The following CDK7 variants were observed in gnomAD, a reference collection of about 807,000 sequenced individuals.
The protein encoded by CDK7 is cyclin-dependent kinase 7.
In CDK7, 25 loss-of-function variants were observed where a neutral mutation model predicts 49.1. That is an observed-to-expected ratio of 0.51 (90% CI 0.37 to 0.71). The LOEUF is 0.71. Among genes scored for constraint, CDK7 ranks in the 30% least tolerant of loss-of-function variants. The probability of loss-of-function intolerance (pLI) is 0.00; values close to 1 mark genes in which losing one functional copy is unlikely to be tolerated. For synonymous variants in CDK7, 107 were observed against 140.0 expected, an observed-to-expected ratio of 0.76 and a Z score of 1.67; for missense variants, 316 against 411.7, an observed-to-expected ratio of 0.77 and a Z score of 2.01.
intron 10 of CDK7, among the ~76,000 whole-genome samples, chr5:69,275,273 C>G (rs973967238): frequency 6.6e-6 from 1 of 152,100 alleles, no homozygotes; most frequent in African/African-American, 2.4e-5. Context: ...AAATTTCTGT[C>G]CATTTGCAAT....
chr5:69,269,495 T>C (rs1330687010), intron 9 of CDK7, among the ~76,000 whole-genome samples: 3 of 152,182 alleles, frequency 2.0e-5, no homozygotes, highest in Non-Finnish European at 4.4e-5. Context: ...CATGTAGTCC[T>C]TTCCCCCCAC....
chr5:69,249,034 C>T (rs1005024555), intron 2 of CDK7, among the ~76,000 whole-genome samples: 4 of 151,776 alleles, frequency 2.6e-5, no homozygotes, highest in East Asian at 3.9e-4. Flanking sequence ...GGAAGTTTCC[C>T]GTTATCCCTT....
At position 69,277,409 on chromosome 5, in the gene CDK7, A is replaced by G; in HGVS notation, c.*274A>G. 3.3e-6 allele frequency: 1 copy of G among 303,302 alleles called. No individual in the cohort carries two copies. Among genetic ancestry groups the G allele is most frequent in the South Asian group, 1.2e-4 (1 of 8,460 alleles). 18.8% of individuals were successfully genotyped at this position (303,302 alleles called of 1,614,324 possible). On this transcript the variant is annotated 3_prime_UTR_variant, in exon 12 of 12. Transcript: ENST00000256443. ...TAGGGAAAACTTAATAAAAATTATT[A>G]CCAGTTATTTGGAAGATCTGACCCA...
At chr5:69,238,543 T>C (rs1349670275) in intron 2 of CDK7, among the ~76,000 whole-genome samples, 3 of 152,078 alleles carry the variant, frequency 2.0e-5, no homozygotes, top group Admixed American at 2.0e-4. Context: ...CACCTTAGCC[T>C]CCCAAAGTGC....
At chr5:69,261,003 G>A (rs955230846) in intron 7 of CDK7, among the ~76,000 whole-genome samples, 3 of 151,952 alleles carry the variant, frequency 2.0e-5, no homozygotes, top group Non-Finnish European at 4.4e-5. Flanking sequence ...AGTTTTTATA[G>A]AGATGGGTTT....
chr5:69,261,459 G>A (rs1580318878), intron 7 of CDK7, among the ~76,000 whole-genome samples: 1 of 150,208 alleles, frequency 6.7e-6, no homozygotes, highest in East Asian at 2.0e-4. Context: ...TGATGGAATG[G>A]TAAGGATGAA....
intron 3 of CDK7, among the ~76,000 whole-genome samples, chr5:69,254,071 AC>A (rs1750325193): frequency 6.6e-6 from 1 of 151,672 alleles, no homozygotes; most frequent in Non-Finnish European, 1.5e-5. Flanking sequence ...CTGCACTCCA[AC>A]CTGGCTGACA....
At chr5:69,250,129 G>A (rs1750042460) in intron 2 of CDK7, among the ~76,000 whole-genome samples, 1 of 152,210 alleles carries the variant, frequency 6.6e-6, no homozygotes, top group African/African-American at 2.4e-5. Context: ...CTTAATGCTT[G>A]TGAGTGTTCA....
intron 10 of CDK7, among the ~76,000 whole-genome samples, chr5:69,276,311 G>A (rs1752132995): frequency 6.6e-6 from 1 of 152,188 alleles, no homozygotes; most frequent in Non-Finnish European, 1.5e-5. Flanking sequence ...TTACAGGCAT[G>A]AGCTACTGTG....
intron 2 of CDK7, chr5:69,250,657 C>T (rs1210654640): frequency 6.6e-6 from 3 of 454,958 alleles, no homozygotes; most frequent in East Asian, 7.0e-5. Context: ...TAGTAGCCCA[C>T]CTGGTGCTCT....
intron 9 of CDK7, among the ~76,000 whole-genome samples, chr5:69,269,696 A>T (rs1181136854): frequency 6.6e-6 from 1 of 151,980 alleles, no homozygotes; most frequent in Admixed American, 6.6e-5. Flanking sequence ...ACACATGCAC[A>T]CATGTAGGTG....
chr5:69,238,224 AGT>A (rs1749131400), intron 2 of CDK7, among the ~76,000 whole-genome samples: 1 of 151,098 alleles, frequency 6.6e-6, no homozygotes, highest in Middle Eastern at 3.5e-3. Flanking sequence ...CTCATTTTTC[AGT>A]GTGTGTCTTA....
intron 5 of CDK7, 80 bp from the exon 6 acceptor site, chr5:69,257,963 T>C (rs1219502510): frequency 1.2e-5 from 9 of 760,260 alleles, no homozygotes; most frequent in Non-Finnish European, 2.0e-5. Flanking sequence ...ACTTACATTT[T>C]AAGTCTGTAA....
chr5:69,258,012 G>C (rs745799304), intron 5 of CDK7, 31 bp from the exon 6 acceptor site: 1 of 994,856 alleles, frequency 1.0e-6, no homozygotes, highest in Non-Finnish European at 1.6e-6. Flanking sequence ...AATAATAAAG[G>C]GTACCTGTAT....
At chr5:69,254,432 G>GT (rs1750350883) in intron 3 of CDK7, among the ~76,000 whole-genome samples, 170 bp from the exon 4 acceptor site, 1 of 146,996 alleles carries the variant, frequency 6.8e-6, no homozygotes, top group South Asian at 2.1e-4. Flanking sequence ...TGAGGCAGGA[G>GT]AATTGCTTGA....
At chr5:69,245,291 T>TCCCTCCTCCCTC (rs1561349307) in intron 2 of CDK7, among the ~76,000 whole-genome samples, 1 of 91,620 alleles carries the variant, frequency 1.1e-5, no homozygotes, top group African/African-American at 4.7e-5. Flanking sequence ...CCTTTTCCCC[T>TCCCTCCTCCCTC]CCCTTCCCCC....
intron 2 of CDK7, among the ~76,000 whole-genome samples, chr5:69,241,973 T>C (rs530855449): frequency 4.0e-4 from 61 of 152,340 alleles, no homozygotes; most frequent in African/African-American, 1.4e-3. Context: ...ACTCTAGAAC[T>C]CTACCCAGTC....
In CDK7 at chr5:69,234,913, T is replaced by C; in HGVS notation, c.-63T>C. The stretch of plus-strand genomic sequence containing the variant: ...TGGGTGTTGGAGGCTTTAAGGTAGC[T>C]TTAAATTCGTGTTGTCCTGGGAGCT... On this transcript the variant is annotated 5_prime_UTR_variant, in exon 1 of 12. Transcript: ENST00000256443. 2 of 1,507,706 alleles carry C rather than the reference T, an allele frequency of 1.3e-6. No individual in the cohort carries two copies. Among genetic ancestry groups the C allele is most frequent in the Non-Finnish European group, 1.8e-6 (2 of 1,105,700 alleles). 93.4% of individuals were successfully genotyped at this position (1,507,706 alleles called of 1,614,324 possible).
intron 8 of CDK7, 82 bp from the exon 9 acceptor site, chr5:69,269,125 C>T (rs1269879117): frequency 1.1e-5 from 9 of 811,116 alleles, no homozygotes; most frequent in African/African-American, 3.5e-5. Flanking sequence ...GGTGACAGAG[C>T]GAGACTCTGT....
Sources: allele counts gnomAD v4.1 joint callset (sites outside exome capture counted in the v4.1 genomes callset), GRCh38; gene constraint gnomAD v4.1.1; transcripts MANE v1.5; gene names NCBI Gene and HGNC (gene_info 2026-07-23, HGNC 2026-07-21).